The following EBF3 variants were observed in gnomAD, a reference collection of about 807,000 sequenced individuals.
The protein encoded by EBF3 is transcription factor COE3.
A neutral mutation model predicts 77.1 loss-of-function variants in EBF3; 18 were observed. The ratio of observed to expected loss-of-function variants is 0.23; its 90% confidence interval spans 0.16 to 0.35. The LOEUF is 0.35. Ranked by LOEUF, EBF3 falls within the 10% of genes least tolerant of loss-of-function variation. The pLI is 1.00. For missense variants in EBF3, 558 were observed against 860.0 expected (o/e 0.65, Z 4.39); for synonymous variants, 350 against 343.5 (o/e 1.02, Z -0.21).
chr10:129,944,535 C>T lies in EBF3; in HGVS notation c.554+12723G>A, dbSNP rs908380754. On this transcript the variant is annotated intron_variant, in intron 6 of 16. Coordinates refer to ENST00000440978, the MANE Select transcript of EBF3 (RefSeq NM_001375380.1). The surrounding 1 kb of genome is among the most constrained non-coding windows in gnomAD (Gnocchi z 5.1). ...GTGTAGGACCTCTCTTGCCACTGAT[C>T]CAGCAGAAGGAAATTTCTGTCATAT... Among the ~76,000 whole-genome samples the T allele has an allele frequency of 6.6e-6, 1 of 152,128 alleles. No individual in the cohort carries two copies. The highest frequency in any genetic ancestry group is 2.4e-5 in the African/African-American group (1 of 41,420).
At position 129,841,898 on chromosome 10, in the gene EBF3, C is replaced by T. The variant is rs1331284684; in HGVS notation, c.1372+218G>A. Among the ~76,000 whole-genome samples the T allele has an allele frequency of 1.3e-5, 2 of 152,184 alleles. No individual in the cohort carries two copies. The highest frequency in any genetic ancestry group is 2.4e-5 in the African/African-American group (1 of 41,454). ...CCCGCATGGCATCCATTGGAGCTGC[C>T]GTTTTTAGTAACTGGGCTCTCTGAG... On this transcript the variant is annotated intron_variant, in intron 13 of 16. Transcript: ENST00000440978. The surrounding 1 kb of genome is among the most constrained non-coding windows in gnomAD (Gnocchi z 4.6).
At chr10:129,941,811 A>G (rs961724528) in intron 6 of EBF3, among the ~76,000 whole-genome samples, 5 of 152,096 alleles carry the variant, frequency 3.3e-5, no homozygotes, top group African/African-American at 9.7e-5. Flanking sequence ...GCCTGGGTGG[A>G]GCTACCAAAG....
At chr10:129,939,026 C>G (rs558199750) in intron 6 of EBF3, among the ~76,000 whole-genome samples, 2 of 152,198 alleles carry the variant, frequency 1.3e-5, no homozygotes, top group Non-Finnish European at 1.5e-5. Flanking sequence ...GAGGAAACAC[C>G]AAACCACTCC....
At position 129,841,021 on chromosome 10, in the gene EBF3, G is replaced by A. The variant is rs762695997; in HGVS notation, c.1384C>T (p.Arg462Cys). 6.3e-6 allele frequency: 10 copies of A among 1,599,280 alleles called. No homozygotes were observed. The highest frequency in any genetic ancestry group is 3.4e-5 in the Admixed American group (2 of 58,642). ...CGCGGGGACACGCTGCTTGTATTGC[G>A]ACTGTAGCCGACTGTTGAAATCCCC... is the stretch of plus-strand genomic sequence containing the variant. Reference protein sequence around the residue: ...SQANDQVGYSRNTSSVSPRGY... With the variant: ...SQANDQVGYSCNTSSVSPRGY... The change falls in exon 14 of 17, where the codon CGC becomes TGC. Residue 462 changes from arginine (R) to cysteine (C), a missense_variant. This residue lies in a region of EBF3 where 284 missense variants were observed against 368.3 expected (regional missense o/e 0.77). Coordinates refer to ENST00000440978, the MANE Select transcript of EBF3 (RefSeq NM_001375380.1). This position sits in a 1 kb window ranked among gnomAD's most constrained non-coding sequence, Gnocchi z 4.6.
At chr10:129,918,610 T>C (rs1856054435) in intron 6 of EBF3, among the ~76,000 whole-genome samples, 1 of 152,158 alleles carries the variant, frequency 6.6e-6, no homozygotes, top group African/African-American at 2.4e-5. Flanking sequence ...GTTCGCATGG[T>C]TGTTTAACGA....
Position 129,896,083 on chromosome 10 carries a change from C to T in EBF3, c.555-18234G>A, listed in dbSNP as rs1854350475. 3.5e-5 allele frequency among the ~76,000 whole-genome samples: 5 copies of T among 141,534 alleles called. No individual in the cohort carries two copies. The South Asian group carries it at 8.6e-4, about 24-fold the overall frequency. The allele number at this position is 141,534 out of a possible 152,430, so 92.9% of individuals were successfully genotyped here. Reference sequence around the variant, plus strand: ...TTAATTAGCAAAGTCCTGACGCATGCAATTTCAAACTTGTCCAGAAAAACA... The same window carrying T: ...TTAATTAGCAAAGTCCTGACGCATGTAATTTCAAACTTGTCCAGAAAAACA... On this transcript the variant is annotated intron_variant, in intron 6 of 16. Coordinates refer to ENST00000440978, the MANE Select transcript of EBF3 (RefSeq NM_001375380.1).
Position 129,963,678 on chromosome 10 carries a change from T to C in EBF3, c.91A>G (p.Met31Val). The C allele has an allele frequency of 6.6e-7, 1 of 1,518,480 alleles. No homozygotes were observed. Among genetic ancestry groups the C allele is most frequent in the Non-Finnish European group, 8.9e-7 (1 of 1,126,408 alleles). The allele number at this position is 1,518,480 out of a possible 1,614,324, so 94.1% of individuals were successfully genotyped here. A position where few individuals can be genotyped will look rare whatever the true frequency, so the allele number is the denominator to read the frequency against. ...GSGMNPVRSW[M>V]HTAGVVDANT... Reference sequence around the variant, plus strand: ...GCGTCCACCACGCCCGCCGTGTGCATCCACGAGCGCACCGGGTTCATGCCG... The same window carrying C: ...GCGTCCACCACGCCCGCCGTGTGCACCCACGAGCGCACCGGGTTCATGCCG... The change falls in exon 1 of 17, where the codon ATG becomes GTG. Residue 31 changes from methionine (M) to valine (V), a missense_variant. Met to Val is a conservative substitution (Grantham distance 21). Around this residue, in one of 5 missense-constraint regions of EBF3, gnomAD observed 64 missense variants for 54.5 expected, o/e 1.18. Coordinates refer to ENST00000440978, the MANE Select transcript of EBF3 (RefSeq NM_001375380.1). This position sits in a 1 kb window ranked among gnomAD's most constrained non-coding sequence, Gnocchi z 7.1.
chr10:129,921,430 C>T (rs1055731120), intron 6 of EBF3, among the ~76,000 whole-genome samples: 1 of 152,218 alleles, frequency 6.6e-6, no homozygotes, highest in Non-Finnish European at 1.5e-5. Context: ...AGAACCCCTG[C>T]AGACAATCAC....
chr10:129,889,946 CTTTTTTTTTTT>C (rs10665456), intron 6 of EBF3, among the ~76,000 whole-genome samples: 1,767 of 82,864 alleles, frequency 0.021, 25 homozygotes, highest in Non-Finnish European at 0.031. Context: ...ATTGAAGTGC[CTTTTTTTTTTT>C]TTTTTTTTTT....
intron 11 of EBF3, among the ~76,000 whole-genome samples, chr10:129,847,168 A>T (rs1850528710): frequency 1.3e-5 from 2 of 152,040 alleles, no homozygotes; most frequent in Admixed American, 1.3e-4. Context: ...CCGAGAGCGC[A>T]GCTGCTGGGG....
intron 6 of EBF3, among the ~76,000 whole-genome samples, chr10:129,896,815 C>T (rs1036204032): frequency 6.6e-6 from 1 of 152,258 alleles, no homozygotes; most frequent in African/African-American, 2.4e-5. Flanking sequence ...CAGCCCGTAG[C>T]CACCTTTCGC....
At chr10:129,858,230 C>CA (rs1225844349) in intron 10 of EBF3, among the ~76,000 whole-genome samples, 1 of 152,204 alleles carries the variant, frequency 6.6e-6, no homozygotes, top group Admixed American at 6.5e-5. Flanking sequence ...CTGCCGGTGA[C>CA]ACGTTTCTCT....
intron 6 of EBF3, among the ~76,000 whole-genome samples, chr10:129,945,948 A>C (rs1464022592): frequency 6.6e-6 from 1 of 152,172 alleles, no homozygotes; most frequent in African/African-American, 2.4e-5. Context: ...GGCCGCTGAC[A>C]AATATTTTAT....
At chr10:129,876,671 T>C (rs1852792808) in intron 7 of EBF3, among the ~76,000 whole-genome samples, 1 of 152,228 alleles carries the variant, frequency 6.6e-6, no homozygotes, top group South Asian at 2.1e-4. Context: ...ATTCTGCTCT[T>C]GGGTCATTCA....
chr10:129,839,537 C>T (rs1474152556), intron 15 of EBF3, among the ~76,000 whole-genome samples: 2 of 152,124 alleles, frequency 1.3e-5, no homozygotes, highest in Non-Finnish European at 2.9e-5. Flanking sequence ...GCCGGCCCTT[C>T]TCCCTCCTGA....
intron 10 of EBF3, among the ~76,000 whole-genome samples, chr10:129,857,889 G>A (rs898328926): frequency 2.0e-5 from 3 of 152,232 alleles, no homozygotes; most frequent in Admixed American, 2.0e-4. Flanking sequence ...TCCAAACCAT[G>A]TTGATGGCGA....
chr10:129,927,424 T>C (rs1469510022), intron 6 of EBF3, among the ~76,000 whole-genome samples: 3 of 152,334 alleles, frequency 2.0e-5, no homozygotes, highest in South Asian at 2.1e-4. Context: ...AATTCAACCA[T>C]AATCTCCCCT....
At chr10:129,922,872 T>C (rs1295601499) in intron 6 of EBF3, among the ~76,000 whole-genome samples, 1 of 152,148 alleles carries the variant, frequency 6.6e-6, no homozygotes, top group Non-Finnish European at 1.5e-5. Context: ...ACCAGAGGCA[T>C]GGAAGGAGGG....
In EBF3 at chr10:129,886,715, T is replaced by G. The variant is rs900924309; in HGVS notation, c.555-8866A>C. 2.0e-5 allele frequency among the ~76,000 whole-genome samples: 3 copies of G among 152,234 alleles called. No homozygotes were observed. In the South Asian group the frequency reaches 6.2e-4, roughly 32 times the overall value. The stretch of plus-strand genomic sequence containing the variant: ...TGCTCAGAAACAAGAGCTCCCGACA[T>G]TCAGAGCTGACTGGGTTTCTTTCCC... On this transcript the variant is annotated intron_variant, in intron 6 of 16. Coordinates refer to ENST00000440978, the MANE Select transcript of EBF3 (RefSeq NM_001375380.1).
Sources: gnomAD v4.1 joint callset for allele counts (sites outside exome capture counted in the v4.1 genomes callset) on GRCh38, gnomAD v4.1.1 for gene constraint, gnomAD v4.1.1 regional missense constraint, Gnocchi (gnomAD v3.1) non-coding constraint, MANE v1.5 for transcripts, NCBI Gene and HGNC (gene_info 2026-07-23, HGNC 2026-07-21) for gene names.